Variants in ATP2B2 observed in about 807,000 individuals in gnomAD.
The protein encoded by ATP2B2 is ATPase plasma membrane Ca2+ transporting 2, also known as plasma membrane calcium-transporting ATPase 2.
ATP2B2 carries 15 observed loss-of-function variants against 120.0 expected under a neutral mutation model. The ratio of observed to expected loss-of-function variants is 0.12; its 90% CI spans 0.08 to 0.19. The LOEUF is 0.19. ATP2B2 is among the 10% of genes least tolerant of loss of function. ATP2B2 has a pLI of 1.00. For synonymous variants in ATP2B2, 694 were observed against 700.3 expected (o/e 0.99, Z 0.14); for missense variants, 1,045 against 1,719.8 (o/e 0.61, Z 6.94).
At chr3:10,344,848 G>A (rs1319543846) in intron 18 of ATP2B2, among the ~76,000 whole-genome samples, 1 of 152,192 alleles carries the variant, frequency 6.6e-6, no homozygotes, top group Non-Finnish European at 1.5e-5. Flanking sequence ...ACCCAGTCGT[G>A]GTATCTGGCC....
intron 2 of ATP2B2, among the ~76,000 whole-genome samples, chr3:10,418,505 C>T (rs1013349942): frequency 6.6e-6 from 1 of 152,158 alleles, no homozygotes; most frequent in Non-Finnish European, 1.5e-5. Flanking sequence ...TGGGCTGTAT[C>T]AAAAGTAGAG....
intron 3 of ATP2B2, among the ~76,000 whole-genome samples, chr3:10,409,283 T>A (rs73113670): frequency 0.03 from 4,604 of 152,324 alleles, 227 homozygotes; most frequent in African/African-American, 0.1. Context: ...TAAAGAGAAA[T>A]GTCATCTTCC....
At chr3:10,412,290 G>C (rs2062637780) in intron 2 of ATP2B2, among the ~76,000 whole-genome samples, 1 of 152,204 alleles carries the variant, frequency 6.6e-6, no homozygotes, top group African/African-American at 2.4e-5. Context: ...GAGGGGCCTG[G>C]AAGGGTGAAC....
chr3:10,651,660 G>A (rs943727773), intron 1 of ATP2B2, among the ~76,000 whole-genome samples: 3 of 152,042 alleles, frequency 2.0e-5, no homozygotes, highest in Non-Finnish European at 2.9e-5. Flanking sequence ...GTGGATGGAA[G>A]GGTGGGTGAA....
intron 2 of ATP2B2, among the ~76,000 whole-genome samples, chr3:10,549,373 CA>C (rs1303764882): frequency 6.6e-6 from 1 of 152,044 alleles, no homozygotes; most frequent in Non-Finnish European, 1.5e-5. Flanking sequence ...CAGGGCTTGG[CA>C]GGGAGCACAG....
chr3:10,395,976 C>T (rs146938700), intron 5 of ATP2B2, among the ~76,000 whole-genome samples: 6 of 152,330 alleles, frequency 3.9e-5, no homozygotes, highest in Non-Finnish European at 8.8e-5. Context: ...CTCGTGTCTG[C>T]CTGTCCGTCC....
At chr3:10,690,811 G>A (rs971592103) in intron 1 of ATP2B2, among the ~76,000 whole-genome samples, 5 of 152,142 alleles carry the variant, frequency 3.3e-5, no homozygotes, top group African/African-American at 1.2e-4. Context: ...TGAATTATAT[G>A]AATTCTCACC....
chr3:10,376,766 T>C (rs1575058756), intron 10 of ATP2B2, among the ~76,000 whole-genome samples: 1 of 152,170 alleles, frequency 6.6e-6, no homozygotes, highest in Admixed American at 6.5e-5. Flanking sequence ...GCCATCTGCT[T>C]TGAGGTAGGA....
chr3:10,410,670 G>A lies in ATP2B2; in HGVS notation c.345C>T (p.Ala115=), dbSNP rs2062580644. The A allele has an allele frequency of 1.2e-6, 2 of 1,614,072 alleles. No homozygotes were observed. Among genetic ancestry groups the A allele is most frequent in the Non-Finnish European group, 1.7e-6 (2 of 1,179,922 alleles). Reference sequence around the variant, plus strand: ...AGAAGGACAGCCCCAGGGAGATGATGGCGGCAATCTCCAGGATGATGAGCG... The same window carrying A: ...AGAAGGACAGCCCCAGGGAGATGATAGCGGCAATCTCCAGGATGATGAGCG... ...DVTLIILEIA[A]IISLGLSFYH... The change falls in exon 3 of 23, where the codon GCC becomes GCT. Residue 115 remains alanine, a synonymous_variant. Coordinates refer to ENST00000360273, the MANE Select transcript of ATP2B2 (RefSeq NM_001001331.4).
intron 1 of ATP2B2, among the ~76,000 whole-genome samples, chr3:10,636,613 AAC>A (rs1322369465): frequency 1.3e-5 from 2 of 152,224 alleles, no homozygotes; most frequent in Non-Finnish European, 2.9e-5. Context: ...TATACAAAAC[AAC>A]AGTTTGTTTG....
intron 18 of ATP2B2, among the ~76,000 whole-genome samples, chr3:10,344,056 C>T (rs2125386432): frequency 6.6e-6 from 1 of 152,216 alleles, no homozygotes; most frequent in African/African-American, 2.4e-5. Flanking sequence ...CATCACAGCC[C>T]CTGCTCCTGG....
intron 1 of ATP2B2, among the ~76,000 whole-genome samples, chr3:10,704,017 T>G (rs911741553): frequency 2.6e-5 from 4 of 152,164 alleles, no homozygotes; most frequent in African/African-American, 9.6e-5. Context: ...CATCCCTCCC[T>G]GTGGAGGCCA....
At chr3:10,656,319 G>A (rs1243798627) in intron 1 of ATP2B2, among the ~76,000 whole-genome samples, 1 of 152,172 alleles carries the variant, frequency 6.6e-6, no homozygotes, top group Non-Finnish European at 1.5e-5. Flanking sequence ...TGAGCATGGG[G>A]AGAAGTGAGC....
intron 8 of ATP2B2, 45 bp from the exon 9 acceptor site, chr3:10,379,329 C>T (rs771156186): frequency 1.2e-6 from 2 of 1,600,164 alleles, no homozygotes; most frequent in African/African-American, 1.3e-5. Flanking sequence ...ACAGACAACA[C>T]ATGGTCGGTC....
intron 1 of ATP2B2, among the ~76,000 whole-genome samples, chr3:10,651,059 T>C (rs890903506): frequency 6.6e-6 from 1 of 152,228 alleles, no homozygotes; most frequent in African/African-American, 2.4e-5. Context: ...GTACCCCCAT[T>C]GTATCTAGGA....
rs753747684 is a variant in ATP2B2, at chr3:10,449,552, C to A, written c.-9G>T. ...TTGGTCATGTCACCCATGTTTGCTG[C>A]GGTCCTTGCTCGGGCTGGGCCCAAG... is the stretch of plus-strand genomic sequence containing the variant. On this transcript the variant is annotated 5_prime_UTR_variant, in exon 2 of 23. Coordinates refer to ENST00000360273, the MANE Select transcript of ATP2B2 (RefSeq NM_001001331.4). The A allele has an allele frequency of 6.2e-7, 1 of 1,614,200 alleles. No individual in the cohort carries two copies. Among genetic ancestry groups the A allele is most frequent in the Non-Finnish European group, 8.5e-7 (1 of 1,180,038 alleles).
chr3:10,331,808 G>A (rs767680870), intron 22 of ATP2B2: 5 of 521,584 alleles, frequency 9.6e-6, no homozygotes, highest in South Asian at 7.7e-5. Context: ...TTTTGGTTTC[G>A]TCAGCACAAA....
At chr3:10,336,132 C>T (rs998961080) in intron 22 of ATP2B2, 2 of 1,550,314 alleles carry the variant, frequency 1.3e-6, no homozygotes, top group Non-Finnish European at 8.7e-7. Context: ...CACTCACGCC[C>T]GGCTGCAGCA....
chr3:10,450,892 C>G (rs893328867), intron 1 of ATP2B2, among the ~76,000 whole-genome samples: 17 of 152,176 alleles, frequency 1.1e-4, no homozygotes, highest in Admixed American at 1.1e-3. Context: ...AGGGCCCCAG[C>G]TGAGCTCGGT....
Sources: allele counts gnomAD v4.1 joint callset (sites outside exome capture counted in the v4.1 genomes callset), GRCh38; gene constraint gnomAD v4.1.1; transcripts MANE v1.5; gene names NCBI Gene and HGNC (gene_info 2026-07-23, HGNC 2026-07-21).